Variants in CHD1L observed in about 807,000 individuals in gnomAD.
CHD1L encodes the protein chromodomain helicase DNA binding protein 1 like, also known as ATP-dependent chromatin remodeler CHD1L.
CHD1L carries 118 observed loss-of-function variants against 115.9 expected under a neutral mutation model. That is an observed-to-expected ratio of 1.02 (90% CI 0.88 to 1.19). The LOEUF (loss-of-function observed/expected upper bound fraction) is 1.19. CHD1L is among the 50% of genes most tolerant of loss of function. The pLI is 0.00. For synonymous variants in CHD1L, 411 were observed against 387.1 expected (o/e 1.06, Z -0.72); for missense variants, 1,179 against 1,065.3 (o/e 1.11, Z -1.49).
In CHD1L at chr1:147,249,553, C is replaced by G. The variant is rs587652606; in HGVS notation, c.128-3070C>G. Among the ~76,000 whole-genome samples, 197 of 151,748 alleles carry G rather than the reference C, an allele frequency of 1.3e-3. 1 individual carries two copies. The highest frequency in any genetic ancestry group is 4.5e-3 in the African/African-American group (188 of 41,424). On this transcript the variant is annotated intron_variant, in intron 1 of 22. Transcript: ENST00000369258. ...CCCGAGTAGCTGGGACTACAGGCAC[C>G]CGCCACCACGCCCAGCTAATTTTTG...
chr1:147,220,130 A>G, the CHD1L span, among the ~76,000 whole-genome samples: 2 of 152,066 alleles, frequency 1.3e-5, no homozygotes, highest in Non-Finnish European at 2.9e-5. Flanking sequence ...GAGCCATCGC[A>G]CCCAGTCATT....
At chr1:147,175,025 G>A in the CHD1L span, 5 of 152,108 alleles carry the variant, frequency 3.3e-5, no homozygotes, top group Admixed American at 1.3e-4. Context: ...GAGAATGAAG[G>A]ATTGATTTTA....
upstream of CHD1L, among the ~76,000 whole-genome samples, chr1:147,240,313 A>G (rs1664738511): frequency 1.3e-5 from 2 of 152,220 alleles, no homozygotes; most frequent in Non-Finnish European, 2.9e-5. Flanking sequence ...GTGCTTTGTT[A>G]AACAAATGCT....
chr1:147,253,026 A>G (rs1173114864), intron 2 of CHD1L, among the ~76,000 whole-genome samples: 1 of 152,164 alleles, frequency 6.6e-6, no homozygotes, highest in Non-Finnish European at 1.5e-5. Flanking sequence ...TCACCTCCAA[A>G]TTTGTTTTGC....
At chr1:147,233,658 GA>G in the CHD1L span, among the ~76,000 whole-genome samples, 2 of 152,206 alleles carry the variant, frequency 1.3e-5, no homozygotes, top group Non-Finnish European at 2.9e-5. Context: ...AGAAAGGGGG[GA>G]AAGGTGGGGA....
the CHD1L span, among the ~76,000 whole-genome samples, chr1:147,196,339 C>G: frequency 6.6e-6 from 1 of 152,046 alleles, no homozygotes; most frequent in Non-Finnish European, 1.5e-5. Flanking sequence ...TAAGCTTAAT[C>G]ATAGGTCTCT....
the CHD1L span, among the ~76,000 whole-genome samples, chr1:147,206,714 G>C: frequency 4.6e-5 from 7 of 152,116 alleles, no homozygotes; most frequent in Admixed American, 3.3e-4. Flanking sequence ...ACTGAACAAT[G>C]AGAACACTTG....
the CHD1L span, among the ~76,000 whole-genome samples, chr1:147,226,698 C>G: frequency 1.3e-5 from 2 of 152,176 alleles, no homozygotes; most frequent in African/African-American, 4.8e-5. Flanking sequence ...GTCAATTTTG[C>G]TCTTCCAATC....
rs782802451 is a variant in CHD1L at position 147,295,394 on chromosome 1, A to G, written c.2616-37A>G. On this transcript the variant is annotated intron_variant, in intron 22 of 22. Coordinates refer to ENST00000369258, the MANE Select transcript of CHD1L (RefSeq NM_004284.6). The stretch of plus-strand genomic sequence containing the variant: ...AGTCGTTTTGGTAAAGTTGGTTTAA[A>G]GTGATGACATGTATCTTCCTTGACC... 13 of 1,454,300 alleles carry G rather than the reference A, an allele frequency of 8.9e-6. No homozygotes were observed. The East Asian group carries it at 3.0e-4, about 33-fold the overall frequency. The allele number at this position is 1,454,300 out of a possible 1,614,324, so 90.1% of individuals were successfully genotyped here.
intron 1 of CHD1L, among the ~76,000 whole-genome samples, chr1:147,249,492 G>A (rs587752607): frequency 1.3e-4 from 17 of 131,594 alleles, no homozygotes; most frequent in African/African-American, 4.6e-4. Flanking sequence ...TGCAACCTCC[G>A]CCTCCTGGGT....
intron 2 of CHD1L, 79 bp downstream of exon 2, chr1:147,252,814 G>T (rs1668849670): frequency 8.4e-7 from 1 of 1,197,036 alleles, no homozygotes; most frequent in Non-Finnish European, 1.2e-6. Flanking sequence ...GAGAGCTCTG[G>T]AGCTAAAACA....
the CHD1L span, chr1:147,204,917 G>A: frequency 3.6e-5 from 56 of 1,571,528 alleles, no homozygotes; most frequent in South Asian, 6.0e-4. Flanking sequence ...GGAGCCTTGG[G>A]AACTTGAAGC....
At chr1:147,288,322 C>CATAAAAAAAAAAAAAA (rs1452486110) in intron 19 of CHD1L, among the ~76,000 whole-genome samples, 6 of 87,892 alleles carry the variant, frequency 6.8e-5, no homozygotes, top group African/African-American at 1.4e-4. Flanking sequence ...GACCCTGTTT[C>CATAAAAAAAAAAAAAA]AATAAAAAAA....
chr1:147,265,789 C>A, intron 7 of CHD1L, 143 bp from the exon 8 acceptor site: 1 of 624,016 alleles, frequency 1.6e-6, no homozygotes, highest in Non-Finnish European at 2.5e-6. Flanking sequence ...GGAAGAAATA[C>A]TATAAAAAAA....
intron 7 of CHD1L, among the ~76,000 whole-genome samples, chr1:147,265,436 G>C (rs1275746798): frequency 6.6e-6 from 1 of 152,200 alleles, no homozygotes; most frequent in African/African-American, 2.4e-5. Context: ...CCTACAGGTA[G>C]TATAATTCTA....
intron 12 of CHD1L, 143 bp from the exon 13 acceptor site, chr1:147,275,211 A>T: frequency 1.5e-6 from 1 of 667,016 alleles, no homozygotes; most frequent in Non-Finnish European, 2.7e-6. Flanking sequence ...CTTTGGAGTT[A>T]GGGGTGTGGG....
At chr1:147,275,205 G>T in intron 12 of CHD1L, 149 bp from the exon 13 acceptor site, 1 of 650,804 alleles carries the variant, frequency 1.5e-6, no homozygotes, top group East Asian at 2.6e-5. Context: ...ACAAGGCTTT[G>T]GAGTTAGGGG....
chr1:147,206,578 C>T, the CHD1L span, among the ~76,000 whole-genome samples: 1 of 152,174 alleles, frequency 6.6e-6, no homozygotes, highest in South Asian at 2.1e-4. Flanking sequence ...GAATACTATG[C>T]AGCCATAAAA....
chr1:147,281,650 ACT>A (rs1284825382), intron 15 of CHD1L, among the ~76,000 whole-genome samples: 10 of 151,690 alleles, frequency 6.6e-5, no homozygotes, highest in South Asian at 2.1e-4. Context: ...TTTAATTGTA[ACT>A]CTGTTCTCAT....
Sources: gnomAD v4.1 joint callset for allele counts (sites outside exome capture counted in the v4.1 genomes callset) on GRCh38, gnomAD v4.1.1 for gene constraint, MANE v1.5 for transcripts, NCBI Gene and HGNC (gene_info 2026-07-23, HGNC 2026-07-21) for gene names.